The following NRXN1 variants were observed in gnomAD, a reference collection of about 807,000 sequenced individuals.
NRXN1 encodes neurexin 1.
A neutral mutation model predicts 150.9 loss-of-function variants in NRXN1; 39 were observed. The observed-to-expected ratio is 0.26, with a 90% CI of 0.20 to 0.34. The LOEUF is 0.34. Ranked by LOEUF, NRXN1 falls within the 10% of genes least tolerant of loss-of-function variation. The pLI is 1.00. For synonymous variants in NRXN1, 924 were observed against 757.0 expected (o/e 1.22, Z -3.62); for missense variants, 1,815 against 1,949.9 (o/e 0.93, Z 1.30).
intron 18 of NRXN1, among the ~76,000 whole-genome samples, chr2:50,220,780 AATAGCTC>A (rs1379305050): frequency 6.6e-6 from 1 of 152,010 alleles, no homozygotes; most frequent in African/African-American, 2.4e-5. Context: ...AGGATTGGAA[AATAGCTC>A]ATGGAAAGCT....
intron 17 of NRXN1, among the ~76,000 whole-genome samples, chr2:50,369,224 G>A (rs74610851): frequency 0.017 from 2,638 of 151,584 alleles, 81 homozygotes; most frequent in African/African-American, 0.06. Flanking sequence ...TGCAGACAAG[G>A]GTCTATAAAA....
chr2:51,020,426 C>A (rs900465756), intron 2 of NRXN1, among the ~76,000 whole-genome samples: 1 of 151,944 alleles, frequency 6.6e-6, no homozygotes, highest in Non-Finnish European at 1.5e-5. Context: ...GAGAACTCTA[C>A]CAAATCTGAT....
chr2:50,044,186 A>T (rs758807481), intron 21 of NRXN1, among the ~76,000 whole-genome samples: 2 of 152,164 alleles, frequency 1.3e-5, no homozygotes, highest in Non-Finnish European at 2.9e-5. Flanking sequence ...GTCGCAGTTA[A>T]ACATTGAGGT....
chr2:51,027,418 G>A, intron 2 of NRXN1, 84 bp downstream of exon 2: 1 of 1,366,498 alleles, frequency 7.3e-7, no homozygotes, highest in South Asian at 1.7e-5. Context: ...CCAAGATTAG[G>A]AAGACCCCAT....
intron 18 of NRXN1, among the ~76,000 whole-genome samples, chr2:50,181,785 AG>A (rs1279863345): frequency 1.3e-5 from 2 of 152,106 alleles, no homozygotes; most frequent in African/African-American, 4.8e-5. Context: ...TATTGTCTTC[AG>A]TCCATAGTTC....
intron 5 of NRXN1, among the ~76,000 whole-genome samples, chr2:50,846,586 T>C (rs1308783531): frequency 1.3e-5 from 2 of 152,190 alleles, no homozygotes; most frequent in African/African-American, 2.4e-5. Flanking sequence ...ATAAAAGGCA[T>C]TCTAAAGAAA....
At chr2:50,341,054 C>A (rs1033206374) in intron 17 of NRXN1, among the ~76,000 whole-genome samples, 2 of 152,048 alleles carry the variant, frequency 1.3e-5, no homozygotes, top group Non-Finnish European at 2.9e-5. Flanking sequence ...TTAGTGCAGG[C>A]TTTCCCTTCT....
chr2:50,397,222 A>T (rs1226028610), intron 17 of NRXN1, among the ~76,000 whole-genome samples: 1 of 152,110 alleles, frequency 6.6e-6, no homozygotes, highest in East Asian at 1.9e-4. Flanking sequence ...CGCAAAGGAC[A>T]TGAGAAACTT....
intron 21 of NRXN1, among the ~76,000 whole-genome samples, chr2:50,003,554 G>A (rs1300952217): frequency 1.3e-5 from 2 of 152,120 alleles, no homozygotes; most frequent in African/African-American, 4.8e-5. Flanking sequence ...CCTTGAAGCT[G>A]CAAAGCAGTT....
At chr2:50,465,265 C>CAT in intron 17 of NRXN1, 177 bp downstream of exon 17, 1 of 456,712 alleles carries the variant, frequency 2.2e-6, no homozygotes, top group Non-Finnish European at 3.6e-6. Context: ...CAGGATTTAG[C>CAT]CACTTTAACA....
rs192512363 is a variant in NRXN1, at chr2:50,630,924, G to A, written c.833-7309C>T. On this transcript the variant is annotated intron_variant, in intron 5 of 22. Transcript: ENST00000401669. ...ATTATTAAAACAAATAAGCCAGGCT[G>A]TCTCTGCTATAAGATAAAACAACTT... Among the ~76,000 whole-genome samples the A allele has an allele frequency of 2.4e-4, 37 of 151,868 alleles. No individual in the cohort carries two copies. The Middle Eastern group carries it at 0.034, about 140-fold the overall frequency.
chr2:50,347,437 G>A lies in NRXN1; in HGVS notation c.3365-110467C>T. The A allele has an allele frequency of 8.8e-7, 1 of 1,140,148 alleles. No homozygotes were observed. The highest frequency in any genetic ancestry group is 1.1e-6 in the Non-Finnish European group (1 of 916,590). The allele number at this position is 1,140,148 out of a possible 1,614,324, so 70.6% of individuals were successfully genotyped here. A position where few individuals can be genotyped will look rare whatever the true frequency, so the allele number is the denominator to read the frequency against. On this transcript the variant is annotated intron_variant, in intron 17 of 22. Coordinates refer to ENST00000401669, the MANE Select transcript of NRXN1 (RefSeq NM_001330078.2). This position sits in a 1 kb window ranked among gnomAD's most constrained non-coding sequence, Gnocchi z 4.9. ...GTGCGGGGACTAGGGAGGCCACTTC[G>A]CCGGCCCAACCTCCTTTCAAGACAG...
chr2:50,976,056 G>T lies in NRXN1; in HGVS notation c.773-50101C>A, dbSNP rs186236449. 9.9e-5 allele frequency among the ~76,000 whole-genome samples: 15 copies of T among 152,028 alleles called. No individual in the cohort carries two copies. In the East Asian group the frequency reaches 2.9e-3, roughly 29 times the overall value. On this transcript the variant is annotated intron_variant, in intron 2 of 22. Transcript: ENST00000401669. ...AGACATCTGCATATGTCTGTCCTTT[G>T]GCATTGCTCCCAATAATGCCTGTGT... is the stretch of plus-strand genomic sequence containing the variant.
chr2:50,530,979 A>T (rs2093085908), intron 11 of NRXN1, among the ~76,000 whole-genome samples: 1 of 152,220 alleles, frequency 6.6e-6, no homozygotes, highest in Admixed American at 6.5e-5. Context: ...CCTCACTGAC[A>T]GACATGGCCT....
At chr2:50,854,539 A>G (rs1443221869) in intron 5 of NRXN1, among the ~76,000 whole-genome samples, 1 of 152,080 alleles carries the variant, frequency 6.6e-6, no homozygotes, top group African/African-American at 2.4e-5. Context: ...TTCAAATCAC[A>G]CTTTGTTTGA....
Position 50,077,890 on chromosome 2 carries a change from G to A in NRXN1, c.3718+13433C>T, listed in dbSNP as rs1450187234. Among the ~76,000 whole-genome samples, 5 of 152,078 alleles carry A rather than the reference G, an allele frequency of 3.3e-5. No individual in the cohort carries two copies. The East Asian group carries it at 9.6e-4, about 29-fold the overall frequency. On this transcript the variant is annotated intron_variant, in intron 19 of 22. Transcript: ENST00000401669. ...ATAATACTTAACATGAGGAAAGTCT[G>A]TCTCAACTTTGCGGGGAGGGGTAAA... is the stretch of plus-strand genomic sequence containing the variant.
chr2:50,825,830 A>G (rs1670372244), intron 5 of NRXN1, among the ~76,000 whole-genome samples: 1 of 152,136 alleles, frequency 6.6e-6, no homozygotes, highest in Non-Finnish European at 1.5e-5. Flanking sequence ...GGGATCTAAC[A>G]CTTTCTGCTG....
intron 21 of NRXN1, among the ~76,000 whole-genome samples, chr2:50,026,859 CTTTTTT>C (rs57580154): frequency 1.5e-5 from 1 of 65,240 alleles, no homozygotes; most frequent in African/African-American, 6.4e-5. Flanking sequence ...CTTTTCTTTT[CTTTTTT>C]TTTTTTTTTT....
At position 49,920,476 on chromosome 2, in the gene NRXN1, T is replaced by TATCA. The variant is rs778340278; in HGVS notation, c.*1464_*1467dup. Reference sequence around the variant, plus strand: ...AATGGTTCTTATTCATGCAGCAGTATATCAGTGATATTCTATTTGATAAGG... The same window carrying TATCA: ...AATGGTTCTTATTCATGCAGCAGTATATCAATCAGTGATATTCTATTTGATAAGG... On this transcript the variant is annotated 3_prime_UTR_variant, in exon 23 of 23. Coordinates refer to ENST00000401669, the MANE Select transcript of NRXN1 (RefSeq NM_001330078.2). The TATCA allele has an allele frequency of 1.3e-5, 2 of 152,616 alleles. No individual in the cohort carries two copies. Among genetic ancestry groups the TATCA allele is most frequent in the African/African-American group, 4.8e-5 (2 of 41,436 alleles). The allele number at this position is 152,616 out of a possible 1,614,324, so 9.5% of individuals were successfully genotyped here.
Sources: gnomAD v4.1 joint callset for allele counts (sites outside exome capture counted in the v4.1 genomes callset) on GRCh38, gnomAD v4.1.1 for gene constraint, Gnocchi (gnomAD v3.1) non-coding constraint, MANE v1.5 for transcripts, NCBI Gene and HGNC (gene_info 2026-07-23, HGNC 2026-07-21) for gene names.